WNT2B: variants seen among roughly 807,000 people sequenced by gnomAD.
The protein encoded by WNT2B is protein Wnt-2b.
Under a neutral mutation model 40.5 loss-of-function variants are expected in WNT2B, and 19 were observed. That is an observed-to-expected ratio of 0.47 (90% CI 0.33 to 0.69). The LOEUF (loss-of-function observed/expected upper bound fraction) is 0.69. Ranked by LOEUF, WNT2B falls within the 30% of genes least tolerant of loss-of-function variation. The probability of loss-of-function intolerance (pLI) is 0.02; values close to 1 mark genes in which losing one functional copy is unlikely to be tolerated. For synonymous variants in WNT2B, 220 were observed against 211.9 expected (o/e 1.04, Z -0.33); for missense variants, 467 against 556.4 (o/e 0.84, Z 1.62).
At position 112,497,364 on chromosome 1, in the gene WNT2B, A is replaced by G. The variant is rs116369934; in HGVS notation, c.-94-17510A>G. 6.7e-3 allele frequency among the ~76,000 whole-genome samples: 1,028 copies of G among 152,322 alleles called. 16 individuals carry two copies. Among genetic ancestry groups the G allele is most frequent in the African/African-American group, 0.024 (980 of 41,576 alleles). ...GTAGCCATGCCTCCACAGCTCTTGCACTGTGCGTCCCTGCAGAGTTAGCAC... is the reference window on the plus strand; with the variant it reads ...GTAGCCATGCCTCCACAGCTCTTGCGCTGTGCGTCCCTGCAGAGTTAGCAC... On this transcript the variant is annotated intron_variant, in intron 1 of 4. Coordinates refer to the WNT2B transcript ENST00000256640.
In WNT2B at chr1:112,527,835, C is replaced by A. The variant is rs1269033701; in HGVS notation, c.*7326C>A. On this transcript the variant is annotated 3_prime_UTR_variant, in exon 5 of 5. Coordinates refer to ENST00000369684, the MANE Select transcript of WNT2B (RefSeq NM_024494.3). ...TGCTGAGGTGGAGGCCAACCCTGAA[C>A]ACATGCGCTGCTTCTTTAGGAATGT... The A allele has an allele frequency of 6.6e-6, 1 of 152,192 alleles. No homozygotes were observed. Among genetic ancestry groups the A allele is most frequent in the African/African-American group, 2.4e-5 (1 of 41,422 alleles). 9.4% of individuals were successfully genotyped at this position (152,192 alleles called of 1,614,324 possible). A position where few individuals can be genotyped will look rare whatever the true frequency, so the allele number is the denominator to read the frequency against.
At chr1:112,511,560 A>T (rs983232260) in intron 1 of WNT2B, among the ~76,000 whole-genome samples, 1 of 152,248 alleles carries the variant, frequency 6.6e-6, no homozygotes, top group African/African-American at 2.4e-5. Context: ...ACTCTGGAGC[A>T]GAAGGCCATC....
intron 1 of WNT2B, among the ~76,000 whole-genome samples, chr1:112,479,855 C>A (rs989101100): frequency 1.3e-5 from 2 of 151,864 alleles, no homozygotes; most frequent in African/African-American, 2.4e-5. Flanking sequence ...GGACTACAGG[C>A]ACCTGCTACC....
chr1:112,471,956 T>C (rs1211065351), intron 1 of WNT2B, among the ~76,000 whole-genome samples: 2 of 152,200 alleles, frequency 1.3e-5, no homozygotes, highest in African/African-American at 4.8e-5. Context: ...GAAGATGTAA[T>C]CAAGGAGTAT....
intron 1 of WNT2B, among the ~76,000 whole-genome samples, chr1:112,469,046 A>G (rs1055647789): frequency 6.6e-6 from 1 of 152,184 alleles, no homozygotes; most frequent in Non-Finnish European, 1.5e-5. Context: ...TCCCAGCACC[A>G]TTTATTGAAG....
chr1:112,499,078 C>T (rs989550464), intron 1 of WNT2B, among the ~76,000 whole-genome samples: 22 of 152,056 alleles, frequency 1.4e-4, no homozygotes, highest in African/African-American at 4.3e-4. Context: ...TGGTGGCGTG[C>T]GCCTGTAATC....
At chr1:112,507,518 C>T (rs1325174378), upstream of WNT2B, among the ~76,000 whole-genome samples, 1 of 152,136 alleles carries the variant, frequency 6.6e-6, no homozygotes, top group Non-Finnish European at 1.5e-5. Flanking sequence ...GTTGGGGCTG[C>T]GGAGTGAGGG....
intron 1 of WNT2B, among the ~76,000 whole-genome samples, chr1:112,469,715 G>C (rs144445709): frequency 0.049 from 7,390 of 151,978 alleles, 616 homozygotes; most frequent in African/African-American, 0.17. Context: ...CCAGGTTCAA[G>C]CTATTCTCCT....
At position 112,525,981 on chromosome 1, in the gene WNT2B, A is replaced by C; in HGVS notation, c.*5472A>C. 1.2e-6 allele frequency: 2 copies of C among 1,612,392 alleles called. No individual in the cohort carries two copies. Among genetic ancestry groups the C allele is most frequent in the Non-Finnish European group, 1.7e-6 (2 of 1,178,854 alleles). On this transcript the variant is annotated 3_prime_UTR_variant, in exon 5 of 5. Transcript: ENST00000369684. ...AGATGCTGTTCAGAAAAATTTGGTG[A>C]TTTGTCCAAGGTCACATGAACAGTG...
chr1:112,510,436 C>T (rs893063176), intron 1 of WNT2B, among the ~76,000 whole-genome samples: 9 of 152,222 alleles, frequency 5.9e-5, no homozygotes, highest in African/African-American at 1.7e-4. Flanking sequence ...GGCTATTGCC[C>T]CTCTCCACCA....
At chr1:112,480,802 T>C (rs1382767558) in intron 1 of WNT2B, among the ~76,000 whole-genome samples, 1 of 152,030 alleles carries the variant, frequency 6.6e-6, no homozygotes, top group Admixed American at 6.6e-5. Flanking sequence ...CAGGCCAATA[T>C]ACCTGATTAA....
intron 3 of WNT2B, 41 bp from the exon 4 acceptor site, chr1:112,517,080 G>T: frequency 1.9e-6 from 3 of 1,590,962 alleles, no homozygotes; most frequent in South Asian, 1.1e-5. Context: ...AATGTGTCCT[G>T]ACCAGCTACT....
intron 1 of WNT2B, among the ~76,000 whole-genome samples, chr1:112,484,737 C>G (rs1477750935): frequency 6.7e-6 from 1 of 148,226 alleles, no homozygotes; most frequent in Non-Finnish European, 1.5e-5. Flanking sequence ...GCAAGACTCC[C>G]TCTTGAAAAA....
chr1:112,469,761 A>G (rs1410782835), intron 1 of WNT2B, among the ~76,000 whole-genome samples: 2 of 151,856 alleles, frequency 1.3e-5, no homozygotes, highest in East Asian at 3.9e-4. Flanking sequence ...TTACAGGCAC[A>G]TGCCACCATG....
rs60819225 is a variant in WNT2B at position 112,484,272 on chromosome 1, C to CATATAT, written c.-95+16695_-95+16700dup. Among the ~76,000 whole-genome samples the CATATAT allele has an allele frequency of 5.1e-3, 632 of 123,192 alleles. 5 individuals carry two copies. Among genetic ancestry groups the CATATAT allele is most frequent in the Middle Eastern group, 0.016 (4 of 256 alleles). The allele number at this position is 123,192 out of a possible 152,430, so 80.8% of individuals were successfully genotyped here. ...ATATATATACACATATATATATACA[C>CATATAT]ATATATATATATATATATACACACA... On this transcript the variant is annotated intron_variant, in intron 1 of 4. Transcript: ENST00000256640.
chr1:112,466,711 G>A (rs1174077348), exon 1 of WNT2B: 1 of 152,162 alleles, frequency 6.6e-6, no homozygotes, highest in East Asian at 1.9e-4. Context: ...TTAAAAAGGG[G>A]CCAGGAGGAT....
intron 1 of WNT2B, among the ~76,000 whole-genome samples, chr1:112,481,266 G>A (rs1056372911): frequency 6.6e-6 from 1 of 152,032 alleles, no homozygotes; most frequent in East Asian, 1.9e-4. Context: ...ATGGTTCAAC[G>A]TATGAAAATC....
In WNT2B at chr1:112,520,734, C is replaced by T; in HGVS notation, c.*225C>T. On this transcript the variant is annotated 3_prime_UTR_variant, in exon 5 of 5. Transcript: ENST00000369684. ...ACTGAGCAAGCTCCCTGATTTCCCGCTCTGGAGATTTGAAGGGAGAGTAGA... is the reference window on the plus strand; with the variant it reads ...ACTGAGCAAGCTCCCTGATTTCCCGTTCTGGAGATTTGAAGGGAGAGTAGA... 2 of 588,258 alleles carry T rather than the reference C, an allele frequency of 3.4e-6. No homozygotes were observed. Among genetic ancestry groups the T allele is most frequent in the Non-Finnish European group, 3.0e-6 (1 of 332,178 alleles). The allele number at this position is 588,258 out of a possible 1,614,324, so 36.4% of individuals were successfully genotyped here. A position where few individuals can be genotyped will look rare whatever the true frequency, so the allele number is the denominator to read the frequency against.
intron 1 of WNT2B, among the ~76,000 whole-genome samples, chr1:112,514,467 G>A (rs1291978043): frequency 6.6e-6 from 1 of 152,182 alleles, no homozygotes; most frequent in Non-Finnish European, 1.5e-5. Context: ...CTCTTAATGG[G>A]AGCATAAGAG....
Sources: gnomAD v4.1 joint callset for allele counts (sites outside exome capture counted in the v4.1 genomes callset) on GRCh38, gnomAD v4.1.1 for gene constraint, MANE v1.5 for transcripts, NCBI Gene and HGNC (gene_info 2026-07-23, HGNC 2026-07-21) for gene names.